Variants in NCBP1 observed in about 807,000 individuals in gnomAD.
The protein encoded by NCBP1 is nuclear cap binding protein subunit 1.
A neutral mutation model predicts 111.7 loss-of-function variants in NCBP1; 16 were observed. The ratio of observed to expected loss-of-function variants is 0.14; its 90% CI spans 0.10 to 0.22. The LOEUF (loss-of-function observed/expected upper bound fraction) is 0.22. Ranked by LOEUF, NCBP1 falls within the 10% of genes least tolerant of loss-of-function variation. The probability of loss-of-function intolerance (pLI) is 1.00; values close to 1 mark genes in which losing one functional copy is unlikely to be tolerated. For missense variants in NCBP1, 607 were observed against 957.5 expected (o/e 0.63, Z 4.83); for synonymous variants, 304 against 314.3 (o/e 0.97, Z 0.35).
intron 17 of NCBP1, 91 bp from the exon 18 acceptor site, chr9:97,662,863 A>C (rs1406254546): frequency 4.2e-5 from 40 of 945,084 alleles, no homozygotes; most frequent in Non-Finnish European, 5.8e-5. Context: ...ATATTGCATT[A>C]TAAATTGAGT....
chr9:97,648,315 A>C (rs1018962130), intron 8 of NCBP1, 92 bp downstream of exon 8: 100 of 1,199,502 alleles, frequency 8.3e-5, no homozygotes, highest in Non-Finnish European at 1.1e-4. Context: ...GGTATGTTTT[A>C]ATTTTGAGTT....
chr9:97,662,802 A>G (rs1438334061), intron 17 of NCBP1, 152 bp from the exon 18 acceptor site: 1 of 587,270 alleles, frequency 1.7e-6, no homozygotes, highest in East Asian at 3.0e-5. Flanking sequence ...TCAATCTGTG[A>G]TCACACTTTT....
At chr9:97,656,921 C>T (rs1827674112) in intron 14 of NCBP1, among the ~76,000 whole-genome samples, 1 of 152,100 alleles carries the variant, frequency 6.6e-6, no homozygotes, top group South Asian at 2.1e-4. Flanking sequence ...TTTTGCCAGC[C>T]GTCCCAACAC....
intron 7 of NCBP1, 111 bp from the exon 8 acceptor site, chr9:97,647,897 C>T: frequency 2.1e-6 from 2 of 961,126 alleles, no homozygotes; most frequent in Admixed American, 2.8e-5. Context: ...TTTGTACCAT[C>T]TTACAAGTTA....
intron 20 of NCBP1, 56 bp from the exon 21 acceptor site, chr9:97,668,790 A>T: frequency 6.3e-7 from 1 of 1,577,734 alleles, no homozygotes; most frequent in Non-Finnish European, 8.6e-7. Context: ...CCTGGAGGAG[A>T]TTTAACACAC....
chr9:97,643,414 A>G (rs1363544041), intron 4 of NCBP1, 54 bp downstream of exon 4: 2 of 1,447,834 alleles, frequency 1.4e-6, no homozygotes, highest in Admixed American at 5.2e-5. Context: ...TGGAGGGAAA[A>G]GGTGAACTAC....
chr9:97,645,883 C>T, intron 6 of NCBP1, 151 bp downstream of exon 6: 2 of 954,646 alleles, frequency 2.1e-6, no homozygotes, highest in East Asian at 5.2e-5. Context: ...CTCACTGAGA[C>T]CTCAAAGTAG....
chr9:97,657,922 ATATATTTT>A (rs1180406009), intron 14 of NCBP1, among the ~76,000 whole-genome samples: 99 of 117,332 alleles, frequency 8.4e-4, no homozygotes, highest in Middle Eastern at 4.4e-3. Context: ...ATATATATAT[ATATATTTT>A]TTTTTTTTTT....
intron 8 of NCBP1, among the ~76,000 whole-genome samples, chr9:97,650,298 G>GA (rs1191097608): frequency 1.3e-5 from 2 of 152,178 alleles, no homozygotes; most frequent in African/African-American, 4.8e-5. Context: ...AGATGTGGTA[G>GA]AAAAAACACT....
intron 20 of NCBP1, among the ~76,000 whole-genome samples, chr9:97,667,298 C>T (rs1828036596): frequency 1.3e-5 from 2 of 152,074 alleles, no homozygotes; most frequent in African/African-American, 4.8e-5. Flanking sequence ...GAATACTTCT[C>T]ATAGTATTAA....
rs780697130 is a variant in NCBP1, at chr9:97,645,747, CAT to C, written c.611+17_611+18del. On this transcript the variant is annotated intron_variant, in intron 6 of 22. Transcript: ENST00000375147. Reference sequence around the variant, plus strand: ...AGCTATCTTAAGTAAGGGCACAGCTCATAGTACTCTTTGTTGCTTAGGTAAAG... The same window carrying C: ...AGCTATCTTAAGTAAGGGCACAGCTCAGTACTCTTTGTTGCTTAGGTAAAG... The C allele has an allele frequency of 1.9e-6, 3 of 1,612,400 alleles. No homozygotes were observed. In the Admixed American group the frequency reaches 5.0e-5, roughly 27 times the overall value.
chr9:97,636,133 A>G (rs1445058189), intron 1 of NCBP1: 2 of 152,186 alleles, frequency 1.3e-5, no homozygotes, highest in East Asian at 3.8e-4. Context: ...GATACAATTC[A>G]TGTTTGATAA....
chr9:97,645,676 C>A lies in NCBP1; in HGVS notation c.555C>A (p.Tyr185Ter). The A allele has an allele frequency of 6.2e-7, 1 of 1,613,882 alleles. No individual in the cohort carries two copies. Among genetic ancestry groups the A allele is most frequent in the Non-Finnish European group, 8.5e-7 (1 of 1,179,880 alleles). Residue 185 changes from tyrosine to a stop codon, truncating the protein, a stop_gained, in exon 6 of 23, where the codon TAC becomes TAA. Coordinates refer to ENST00000375147, the MANE Select transcript of NCBP1 (RefSeq NM_002486.5). LOFTEE classifies it high-confidence loss of function. ...SSLPWVGKEL[Y>*]EKKDAEMDRI... The stretch of plus-strand genomic sequence containing the variant: ...TGCCCTGGGTTGGAAAGGAGTTGTA[C>A]GAAAAGAAAGATGCAGAGATGGACC...
Position 97,640,824 on chromosome 9 carries a change from C to T in NCBP1, c.65C>T (p.Ser22Phe), listed in dbSNP as rs1170652461. The T allele has an allele frequency of 6.2e-7, 1 of 1,609,864 alleles. No individual in the cohort carries two copies. Among genetic ancestry groups the T allele is most frequent in the South Asian group, 1.1e-5 (1 of 90,226 alleles). ...GGQPHKRRKT[S>F]DANETEDHLE... ...CAGCCTCACAAAAGGAGAAAGACCT[C>T]TGATGCAAATGAAACTGAAGATCAT... The change falls in exon 2 of 23, where the codon TCT (serine) becomes TTT (phenylalanine). Residue 22 changes from serine (S) to phenylalanine (F), a missense_variant. Ser to Phe is a radical substitution (Grantham distance 155). Around this residue, in one of 9 missense-constraint regions of NCBP1, gnomAD observed 185 missense variants for 272.0 expected, o/e 0.68. Transcript: ENST00000375147.
Position 97,650,696 on chromosome 9 carries a change from T to G in NCBP1, c.995+96T>G, listed in dbSNP as rs1827474411. 5.2e-6 allele frequency: 5 copies of G among 969,892 alleles called. No homozygotes were observed. In the African/African-American group the frequency reaches 6.5e-5, roughly 13 times the overall value. 60.1% of individuals were successfully genotyped at this position (969,892 alleles called of 1,614,324 possible). A position where few individuals can be genotyped will look rare whatever the true frequency, so the allele number is the denominator to read the frequency against. On this transcript the variant is annotated intron_variant, in intron 9 of 22. Coordinates refer to ENST00000375147, the MANE Select transcript of NCBP1 (RefSeq NM_002486.5). ...TATATGTTGAGAGTGTAAGAAAATT[T>G]TATCCTCCTGACTCCCTGTCTTGCT...
chr9:97,667,247 G>A (rs903247816), intron 20 of NCBP1, among the ~76,000 whole-genome samples: 5 of 152,152 alleles, frequency 3.3e-5, no homozygotes, highest in Admixed American at 1.3e-4. Flanking sequence ...CACTTTCCCC[G>A]TACTGTGAGG....
At chr9:97,655,483 T>C (rs192983441) in intron 12 of NCBP1, among the ~76,000 whole-genome samples, 1 of 152,152 alleles carries the variant, frequency 6.6e-6, no homozygotes, top group East Asian at 1.9e-4. Context: ...ATAATAAACA[T>C]GTTAGGTGCC....
chr9:97,659,276 A>G (rs1827759698), intron 15 of NCBP1, among the ~76,000 whole-genome samples: 1 of 152,238 alleles, frequency 6.6e-6, no homozygotes, highest in Admixed American at 6.5e-5. Context: ...ATTGTTGATC[A>G]CTGGTAGAGT....
chr9:97,657,900 CTCTCTCTATATA>C (rs1433624251), intron 14 of NCBP1, among the ~76,000 whole-genome samples: 1 of 70,964 alleles, frequency 1.4e-5, no homozygotes, highest in East Asian at 3.6e-4. Flanking sequence ...CTCTCTCTCT[CTCTCTCTATATA>C]TATATATATA....
Sources: allele counts gnomAD v4.1 joint callset (sites outside exome capture counted in the v4.1 genomes callset), GRCh38; gene constraint gnomAD v4.1.1; regional missense constraint gnomAD v4.1.1; transcripts MANE v1.5; gene names NCBI Gene and HGNC (gene_info 2026-07-23, HGNC 2026-07-21).